The following RIMS1 variants were observed in gnomAD, a reference collection of about 807,000 sequenced individuals.
The protein encoded by RIMS1 is regulating synaptic membrane exocytosis protein 1.
In RIMS1, 83 loss-of-function variants were observed where a neutral mutation model predicts 214.1. The observed-to-expected ratio is 0.39, with a 90% CI of 0.32 to 0.47. RIMS1 has a LOEUF of 0.47. Among genes scored for constraint, RIMS1 ranks in the 20% least tolerant of loss-of-function variants. The pLI, the probability that RIMS1 is intolerant of heterozygous loss-of-function variation, is 0.99. For synonymous variants in RIMS1, 793 were observed against 786.8 expected (o/e 1.01, Z -0.13); for missense variants, 2,050 against 2,161.8 (o/e 0.95, Z 1.03).
intron 2 of RIMS1, among the ~76,000 whole-genome samples, chr6:72,068,248 G>T (rs143989144): frequency 8.5e-5 from 13 of 152,322 alleles, no homozygotes; most frequent in African/African-American, 2.9e-4. Flanking sequence ...CCTCTGCCAT[G>T]AAACCAGCCT....
chr6:71,959,753 T>C (rs1408538965), intron 1 of RIMS1, among the ~76,000 whole-genome samples: 1 of 152,134 alleles, frequency 6.6e-6, no homozygotes, highest in Non-Finnish European at 1.5e-5. Flanking sequence ...TCCTGCTACA[T>C]CTTGAATGAT....
chr6:72,220,490 A>G (rs1379621224), intron 6 of RIMS1, among the ~76,000 whole-genome samples: 2 of 152,124 alleles, frequency 1.3e-5, no homozygotes, highest in Non-Finnish European at 2.9e-5. Flanking sequence ...CTTGACATTC[A>G]GTGGTAGAAA....
chr6:71,926,304 T>A (rs1042236481), intron 1 of RIMS1, among the ~76,000 whole-genome samples: 4 of 152,224 alleles, frequency 2.6e-5, no homozygotes, highest in Non-Finnish European at 5.9e-5. Context: ...ATTGGTGAAG[T>A]GCCCAATTAA....
intron 1 of RIMS1, among the ~76,000 whole-genome samples, chr6:71,934,941 T>C (rs929246368): frequency 6.6e-6 from 1 of 152,190 alleles, no homozygotes; most frequent in African/African-American, 2.4e-5. Flanking sequence ...CCTGTAACAA[T>C]AGAGGTGAGA....
At chr6:72,302,636 C>A (rs954916139) in intron 26 of RIMS1, among the ~76,000 whole-genome samples, 5 of 151,490 alleles carry the variant, frequency 3.3e-5, no homozygotes, top group African/African-American at 1.2e-4. Flanking sequence ...AATGGGACTG[C>A]ACTATCATGG....
chr6:72,203,127 A>G (rs907317013), intron 6 of RIMS1, among the ~76,000 whole-genome samples: 4 of 152,074 alleles, frequency 2.6e-5, no homozygotes, highest in African/African-American at 9.7e-5. Context: ...AGCTGGGATT[A>G]CAGGTGCCTG....
intron 24 of RIMS1, among the ~76,000 whole-genome samples, chr6:72,288,570 C>CA (rs2154243701): frequency 6.6e-6 from 1 of 152,324 alleles, no homozygotes; most frequent in Non-Finnish European, 1.5e-5. Context: ...GATCAGGGCA[C>CA]AACAGCCTGG....
At chr6:72,042,241 A>C (rs1456117653) in intron 2 of RIMS1, among the ~76,000 whole-genome samples, 2 of 151,784 alleles carry the variant, frequency 1.3e-5, no homozygotes, top group Non-Finnish European at 3.0e-5. Flanking sequence ...TCTGCTGCAC[A>C]CTCACTACAG....
intron 2 of RIMS1, among the ~76,000 whole-genome samples, chr6:72,085,630 G>A (rs1834482993): frequency 6.6e-6 from 1 of 152,058 alleles, no homozygotes; most frequent in South Asian, 2.1e-4. Context: ...TGCAGTCTCT[G>A]CCACATGGTG....
chr6:72,243,556 A>C (rs2067972879), intron 10 of RIMS1, among the ~76,000 whole-genome samples: 1 of 151,794 alleles, frequency 6.6e-6, no homozygotes, highest in East Asian at 1.9e-4. Context: ...AGGCTGGAAA[A>C]GAGGTAAGTA....
Position 72,393,583 on chromosome 6 carries a change from C to T in RIMS1, c.4618+773C>T, listed in dbSNP as rs560706125. 1.2e-3 allele frequency among the ~76,000 whole-genome samples: 188 copies of T among 152,008 alleles called. 1 individual carries two copies. The highest frequency in any genetic ancestry group is 4.0e-3 in the African/African-American group (166 of 41,472). On this transcript the variant is annotated intron_variant, in intron 31 of 33. Coordinates refer to ENST00000521978, the MANE Select transcript of RIMS1 (RefSeq NM_014989.7). Reference sequence around the variant, plus strand: ...TACTAAAAATACAAAAAAAATTAGCCGGGCATAGTGGTGGGCACCTGTAGT... The same window carrying T: ...TACTAAAAATACAAAAAAAATTAGCTGGGCATAGTGGTGGGCACCTGTAGT...
chr6:72,119,701 T>A (rs911675117), intron 4 of RIMS1, among the ~76,000 whole-genome samples: 9 of 151,844 alleles, frequency 5.9e-5, no homozygotes, highest in African/African-American at 1.7e-4. Flanking sequence ...ATGTGCACAA[T>A]GTGCAGGTTT....
intron 22 of RIMS1, among the ~76,000 whole-genome samples, chr6:72,272,171 A>G (rs1412918373): frequency 1.3e-5 from 2 of 152,206 alleles, no homozygotes; most frequent in Non-Finnish European, 2.9e-5. Flanking sequence ...TGTAAAATGA[A>G]AATAGAAATG....
intron 2 of RIMS1, among the ~76,000 whole-genome samples, chr6:71,991,288 A>G (rs1043595820): frequency 6.6e-6 from 1 of 152,160 alleles, no homozygotes; most frequent in Non-Finnish European, 1.5e-5. Flanking sequence ...TAGTTTTTTA[A>G]CAGCATTTTA....
At chr6:72,101,194 G>A (rs1292315294) in intron 4 of RIMS1, among the ~76,000 whole-genome samples, 4 of 152,014 alleles carry the variant, frequency 2.6e-5, no homozygotes, top group Admixed American at 6.6e-5. Flanking sequence ...CCCTTTGACA[G>A]CGTTACCCAT....
At chr6:72,321,301 G>T (rs1206293197) in intron 28 of RIMS1, among the ~76,000 whole-genome samples, 4 of 151,914 alleles carry the variant, frequency 2.6e-5, no homozygotes, top group African/African-American at 7.2e-5. Flanking sequence ...CATTTATATA[G>T]TTTTATGGTC....
At chr6:72,270,575 A>G (rs757403938) in intron 22 of RIMS1, among the ~76,000 whole-genome samples, 2 of 152,164 alleles carry the variant, frequency 1.3e-5, no homozygotes, top group East Asian at 1.9e-4. Context: ...TTTAATTTTC[A>G]ATATAAGTAC....
intron 1 of RIMS1, among the ~76,000 whole-genome samples, chr6:71,948,279 T>C (rs1788478749): frequency 1.3e-5 from 2 of 152,208 alleles, no homozygotes; most frequent in African/African-American, 4.8e-5. Context: ...GTTTTCTTTC[T>C]TCTGTGCACT....
intron 29 of RIMS1, among the ~76,000 whole-genome samples, chr6:72,345,919 A>G (rs1327784874): frequency 6.6e-6 from 1 of 151,778 alleles, no homozygotes; most frequent in Non-Finnish European, 1.5e-5. Context: ...TGGGACCATC[A>G]TAGGAAATGT....
Sources: allele counts gnomAD v4.1 joint callset (sites outside exome capture counted in the v4.1 genomes callset), GRCh38; gene constraint gnomAD v4.1.1; transcripts MANE v1.5; gene names NCBI Gene and HGNC (gene_info 2026-07-23, HGNC 2026-07-21).